The following PIK3CD variants were observed in gnomAD, a reference collection of about 807,000 sequenced individuals.
The protein encoded by PIK3CD is phosphatidylinositol-4,5-bisphosphate 3-kinase catalytic subunit delta, also known as phosphatidylinositol 4,5-bisphosphate 3-kinase catalytic subunit delta isoform.
Under a neutral mutation model 122.9 loss-of-function variants are expected in PIK3CD, and 20 were observed. That is an observed-to-expected ratio of 0.16 (90% CI 0.11 to 0.24). PIK3CD has a LOEUF of 0.24. PIK3CD is among the 10% of genes least tolerant of loss of function. The pLI is 1.00. For missense variants in PIK3CD, 787 were observed against 1,406.3 expected, an observed-to-expected ratio of 0.56 and a Z score of 7.04; for synonymous variants, 596 against 593.4, an observed-to-expected ratio of 1.00 and a Z score of -0.06.
chr1:9,665,863 T>C (rs758161603), intron 1 of PIK3CD, among the ~76,000 whole-genome samples: 15 of 151,750 alleles, frequency 9.9e-5, no homozygotes, highest in Non-Finnish European at 1.5e-4. Context: ...AAGCTATTCT[T>C]CTGCCTCAGC....
In PIK3CD at chr1:9,721,547, G is replaced by A. The variant is rs868613820; in HGVS notation, c.1915G>A (p.Ala639Thr). ...LTKFLLDRAL[A>T]NRKIGHFLFW... is the part of the protein sequence containing the mutation. ...CAAATTCCTGCTGGACCGGGCCCTGGCCAACCGCAAGATCGGCCACTTCCT... is the reference window on the plus strand; with the variant it reads ...CAAATTCCTGCTGGACCGGGCCCTGACCAACCGCAAGATCGGCCACTTCCT... The change falls in exon 15 of 24, where the codon GCC becomes ACC. Residue 639 changes from alanine (A) to threonine (T), a missense_variant. Ala to Thr is a moderately conservative substitution (Grantham distance 58). Transcript: ENST00000377346. 1 of 1,613,704 alleles carries A rather than the reference G, an allele frequency of 6.2e-7. No individual in the cohort carries two copies. Among genetic ancestry groups the A allele is most frequent in the Non-Finnish European group, 8.5e-7 (1 of 1,180,026 alleles).
chr1:9,723,058 G>A lies in PIK3CD; in HGVS notation c.2427-67G>A. The A allele has an allele frequency of 1.3e-6, 2 of 1,510,628 alleles. No individual in the cohort carries two copies. Among genetic ancestry groups the A allele is most frequent in the Non-Finnish European group, 1.8e-6 (2 of 1,088,042 alleles). 93.6% of individuals were successfully genotyped at this position (1,510,628 alleles called of 1,614,324 possible). On this transcript the variant is annotated intron_variant, in intron 19 of 23. Coordinates refer to ENST00000377346, the MANE Select transcript of PIK3CD (RefSeq NM_005026.5). The surrounding 1 kb of genome is among the most constrained non-coding windows in gnomAD (Gnocchi z 4.9). The stretch of plus-strand genomic sequence containing the variant: ...TTTTTGGGGCACCATGAGTTTCTGG[G>A]GCTCAAGTGGCCTCAGGGACAGCCC...
At chr1:9,628,659 C>T in the PIK3CD span, among the ~76,000 whole-genome samples, 8 of 152,266 alleles carry the variant, frequency 5.3e-5, no homozygotes, top group South Asian at 4.1e-4. Context: ...CTTCCTCACA[C>T]GGAGGTGGCC....
Position 9,721,239 on chromosome 1 carries a change from G to A in PIK3CD, c.1802G>A (p.Arg601Gln), listed in dbSNP as rs138090835. 4.8e-5 allele frequency: 77 copies of A among 1,613,272 alleles called. No individual in the cohort carries two copies. The highest frequency in any genetic ancestry group is 5.7e-5 in the Non-Finnish European group (67 of 1,180,004). ...HVGSFAIKSL[R>Q]KLTDDELFQY... is the part of the protein sequence containing the mutation. ...GGCTCCTTCGCCATCAAGTCGCTGCGGAAACTGACGTGAGTCCCAGCTGGG... is the reference window on the plus strand; with the variant it reads ...GGCTCCTTCGCCATCAAGTCGCTGCAGAAACTGACGTGAGTCCCAGCTGGG... Residue 601 changes from arginine (R) to glutamine (Q), a missense_variant, in exon 14 of 24, where the codon CGG becomes CAG. Around this residue, in one of 6 missense-constraint regions of PIK3CD, gnomAD observed 592 missense variants for 920.6 expected, o/e 0.64. Coordinates refer to ENST00000377346, the MANE Select transcript of PIK3CD (RefSeq NM_005026.5).
At chr1:9,691,958 T>C (rs1426631316) in intron 2 of PIK3CD, 1 of 161,150 alleles carries the variant, frequency 6.2e-6, no homozygotes, top group Non-Finnish European at 1.3e-5. Context: ...GGATTGAATT[T>C]TTATAATTCA....
chr1:9,674,014 C>T (rs1334982474), intron 1 of PIK3CD, among the ~76,000 whole-genome samples: 2 of 152,154 alleles, frequency 1.3e-5, no homozygotes, highest in African/African-American at 4.8e-5. Flanking sequence ...GTGGTCAGCA[C>T]GTAGAGGCCA....
At chr1:9,692,329 C>A (rs557047056) in intron 2 of PIK3CD, among the ~76,000 whole-genome samples, 1 of 152,182 alleles carries the variant, frequency 6.6e-6, no homozygotes, top group South Asian at 2.1e-4. Context: ...GGTTAGAGCG[C>A]GGTGGCGTCC....
chr1:9,649,537 C>T (rs1644637529), upstream of PIK3CD, among the ~76,000 whole-genome samples: 1 of 152,122 alleles, frequency 6.6e-6, no homozygotes, highest in South Asian at 2.1e-4. Flanking sequence ...CTGGCCTGGG[C>T]CTCTGCTTAT....
chr1:9,649,791 TG>T, upstream of PIK3CD, among the ~76,000 whole-genome samples: 1 of 152,152 alleles, frequency 6.6e-6, no homozygotes, highest in East Asian at 1.9e-4. Flanking sequence ...ATCTCAGGGG[TG>T]GGCTCACCCA....
chr1:9,694,025 G>C (rs1369609688), intron 2 of PIK3CD, among the ~76,000 whole-genome samples: 1 of 152,124 alleles, frequency 6.6e-6, no homozygotes, highest in Non-Finnish European at 1.5e-5. Context: ...AGAGAGGTTG[G>C]CCCAGCCCAG....
At chr1:9,638,979 C>G in the PIK3CD span, among the ~76,000 whole-genome samples, 3 of 151,852 alleles carry the variant, frequency 2.0e-5, no homozygotes, top group African/African-American at 7.3e-5. Flanking sequence ...GTTGCCCAGG[C>G]TGGTCTCAAA....
Position 9,724,224 on chromosome 1 carries a change from C to A in PIK3CD, c.2719-52C>A. 6.2e-7 allele frequency: 1 copy of A among 1,613,232 alleles called. No homozygotes were observed. The highest frequency in any genetic ancestry group is 1.1e-5 in the South Asian group (1 of 91,046). On this transcript the variant is annotated intron_variant, in intron 21 of 23. Transcript: ENST00000377346. This position sits in a 1 kb window ranked among gnomAD's most constrained non-coding sequence, Gnocchi z 7.3. ...GCTGGCTTCCTGTCTCCCCTGGATTCTCTCCTGTCTGACACCTTCTCAATC... is the reference window on the plus strand; with the variant it reads ...GCTGGCTTCCTGTCTCCCCTGGATTATCTCCTGTCTGACACCTTCTCAATC...
At chr1:9,630,834 T>C in the PIK3CD span, among the ~76,000 whole-genome samples, 3 of 152,154 alleles carry the variant, frequency 2.0e-5, no homozygotes, top group East Asian at 5.8e-4. Flanking sequence ...GCCTGGGATG[T>C]TCTGGAGCTA....
At chr1:9,725,873 G>A (rs1296301791) in intron 23 of PIK3CD, among the ~76,000 whole-genome samples, 11 of 151,464 alleles carry the variant, frequency 7.3e-5, no homozygotes, top group East Asian at 1.9e-4. Flanking sequence ...GCAAAACTCC[G>A]TCTCAAAAAA....
In PIK3CD at chr1:9,719,786, G is replaced by C. The variant is rs1648196381; in HGVS notation, c.1243-135G>C. On this transcript the variant is annotated intron_variant, in intron 9 of 23. Transcript: ENST00000377346. This position sits in a 1 kb window ranked among gnomAD's most constrained non-coding sequence, Gnocchi z 5.5. ...AGCGGCTCCTCTCCTTCCCCAAGCA[G>C]GGTCTCCCAGGGGTCTGGTTGGGAG... 9 of 781,610 alleles carry C rather than the reference G, an allele frequency of 1.2e-5. No homozygotes were observed. The highest frequency in any genetic ancestry group is 2.1e-5 in the Non-Finnish European group (9 of 436,610). The allele number at this position is 781,610 out of a possible 1,614,324, so 48.4% of individuals were successfully genotyped here. A position where few individuals can be genotyped will look rare whatever the true frequency, so the allele number is the denominator to read the frequency against.
In PIK3CD at chr1:9,717,451, C is replaced by G; in HGVS notation, c.931-86C>G. On this transcript the variant is annotated intron_variant, in intron 7 of 23. Transcript: ENST00000377346. This position sits in a 1 kb window ranked among gnomAD's most constrained non-coding sequence, Gnocchi z 5.4. ...CAAACCTGTGACCCTCTCACCCGCC[C>G]CCAAGTGGTCACGGGCCTCACCATA... The G allele has an allele frequency of 7.6e-7, 1 of 1,310,402 alleles. No individual in the cohort carries two copies. Among genetic ancestry groups the G allele is most frequent in the Non-Finnish European group, 1.1e-6 (1 of 905,094 alleles). 81.2% of individuals were successfully genotyped at this position (1,310,402 alleles called of 1,614,324 possible).
chr1:9,673,062 G>A (rs1392927914), intron 1 of PIK3CD, among the ~76,000 whole-genome samples: 1 of 151,694 alleles, frequency 6.6e-6, no homozygotes, highest in Admixed American at 6.6e-5. Flanking sequence ...TCTGTATGAG[G>A]CGTACATGCA....
chr1:9,683,355 G>A (rs911635345), intron 1 of PIK3CD, among the ~76,000 whole-genome samples: 10 of 150,918 alleles, frequency 6.6e-5, no homozygotes, highest in African/African-American at 2.4e-4. Flanking sequence ...GGAGAATGGC[G>A]TGAACCCGGG....
chr1:9,711,191 T>G (rs1570339732), intron 3 of PIK3CD, among the ~76,000 whole-genome samples: 1 of 152,160 alleles, frequency 6.6e-6, no homozygotes, highest in East Asian at 1.9e-4. Flanking sequence ...CCTCCCAGGC[T>G]CAAGCAGTTC....
Sources: gnomAD v4.1 joint callset for allele counts (sites outside exome capture counted in the v4.1 genomes callset) on GRCh38, gnomAD v4.1.1 for gene constraint, gnomAD v4.1.1 regional missense constraint, Gnocchi (gnomAD v3.1) non-coding constraint, MANE v1.5 for transcripts, NCBI Gene and HGNC (gene_info 2026-07-23, HGNC 2026-07-21) for gene names.